The following AVEN variants were observed in gnomAD, a reference collection of about 807,000 sequenced individuals.
AVEN encodes apoptosis and caspase activation inhibitor.
Under a neutral mutation model 38.1 loss-of-function variants are expected in AVEN, and 41 were observed. The ratio of observed to expected loss-of-function variants is 1.08; its 90% CI spans 0.84 to 1.40. The LOEUF (loss-of-function observed/expected upper bound fraction) is 1.40, where lower values mean the gene tolerates loss of function less well. AVEN is among the 40% of genes most tolerant of loss of function. The probability of loss-of-function intolerance (pLI) is 0.00; values close to 1 mark genes in which losing one functional copy is unlikely to be tolerated. For synonymous variants in AVEN, 206 were observed against 171.8 expected (o/e 1.20, Z -1.56); for missense variants, 605 against 438.8 (o/e 1.38, Z -3.38).
chr15:33,868,544 C>CAAAAAAAAAA lies in AVEN; in HGVS notation c.613-699_613-690dup, dbSNP rs35851228. ...TGGGCAACAGAATGAGACTCCGTCT[C>CAAAAAAAAAA]AAAAAAAAAAAAAAAAAAAAAAAAG... On this transcript the variant is annotated intron_variant, in intron 4 of 5. Transcript: ENST00000306730. Among the ~76,000 whole-genome samples, 4 of 66,248 alleles carry CAAAAAAAAAA rather than the reference C, an allele frequency of 6.0e-5. 1 individual carries two copies. Among genetic ancestry groups the CAAAAAAAAAA allele is most frequent in the East Asian group, 4.3e-4 (1 of 2,314 alleles). The allele number at this position is 66,248 out of a possible 152,430, so 43.5% of individuals were successfully genotyped here.
intron 1 of AVEN, among the ~76,000 whole-genome samples, chr15:34,027,342 CTG>C (rs1898529383): frequency 6.6e-6 from 1 of 152,008 alleles, no homozygotes; most frequent in Admixed American, 6.6e-5. Flanking sequence ...TGGCGAAACT[CTG>C]TCTCTACTAA....
At chr15:33,984,710 G>A (rs1896346045) in intron 2 of AVEN, among the ~76,000 whole-genome samples, 1 of 152,130 alleles carries the variant, frequency 6.6e-6, no homozygotes, top group Admixed American at 6.5e-5. Flanking sequence ...CCTATTCATA[G>A]TAGGTTTCTA....
At chr15:33,870,094 T>C (rs76401194) in intron 4 of AVEN, among the ~76,000 whole-genome samples, 4,944 of 152,242 alleles carry the variant, frequency 0.032, 161 homozygotes, top group Non-Finnish European at 0.039. Flanking sequence ...TCTTGAATTT[T>C]TTCTTGACCA....
chr15:33,899,864 G>A (rs547494776), intron 2 of AVEN, among the ~76,000 whole-genome samples: 52 of 151,724 alleles, frequency 3.4e-4, no homozygotes, highest in African/African-American at 1.2e-3. Flanking sequence ...CTTCCTTCCA[G>A]AAGTATGTTC....
chr15:33,980,511 C>T (rs1896089571), intron 2 of AVEN, among the ~76,000 whole-genome samples: 1 of 152,142 alleles, frequency 6.6e-6, no homozygotes, highest in Non-Finnish European at 1.5e-5. Context: ...CCATATATGA[C>T]ATGAGCACAA....
chr15:34,069,139 C>T (rs1316658480), intron 2 of AVEN, among the ~76,000 whole-genome samples: 3 of 148,928 alleles, frequency 2.0e-5, no homozygotes, highest in African/African-American at 2.5e-5. Flanking sequence ...AAAACAATTT[C>T]GGCTGGGCGC....
chr15:33,899,762 G>A (rs543959047), intron 2 of AVEN, among the ~76,000 whole-genome samples: 5 of 152,092 alleles, frequency 3.3e-5, no homozygotes, highest in South Asian at 2.1e-4. Context: ...CACCGCACCC[G>A]GCCAGGGAAA....
At chr15:33,995,501 C>T (rs1187966473) in intron 2 of AVEN, among the ~76,000 whole-genome samples, 1 of 152,202 alleles carries the variant, frequency 6.6e-6, no homozygotes, top group Non-Finnish European at 1.5e-5. Flanking sequence ...TTGGTATCCA[C>T]AGGCGTCCTG....
intron 2 of AVEN, among the ~76,000 whole-genome samples, chr15:33,878,138 A>G (rs1468401997): frequency 6.6e-6 from 1 of 152,208 alleles, no homozygotes; most frequent in Non-Finnish European, 1.5e-5. Context: ...CACCTAATGA[A>G]GTCTATAAAT....
intron 2 of AVEN, among the ~76,000 whole-genome samples, chr15:33,938,603 T>C (rs186271116): frequency 6.6e-6 from 1 of 152,278 alleles, no homozygotes; most frequent in East Asian, 1.9e-4. Context: ...CATTCTAGAA[T>C]ACACAAAGAA....
chr15:34,062,570 A>AT, intron 5 of AVEN: 1 of 691,584 alleles, frequency 1.4e-6, no homozygotes, highest in Non-Finnish European at 2.3e-6. Context: ...AAAAAAAAAA[A>AT]AAAACTATAA....
intron 2 of AVEN, among the ~76,000 whole-genome samples, chr15:33,927,211 T>C (rs997519011): frequency 6.6e-6 from 1 of 151,676 alleles, no homozygotes; most frequent in Non-Finnish European, 1.5e-5. Context: ...GCCAAGATCA[T>C]GCCACTGCAC....
chr15:34,040,065 T>G (rs960480700), upstream of AVEN, among the ~76,000 whole-genome samples: 2 of 152,218 alleles, frequency 1.3e-5, no homozygotes, highest in Non-Finnish European at 2.9e-5. Context: ...CCCTCAGTAC[T>G]TTCTGGTTCT....
intron 1 of AVEN, among the ~76,000 whole-genome samples, chr15:34,009,192 A>G (rs964789666): frequency 3.9e-5 from 6 of 152,334 alleles, no homozygotes; most frequent in Middle Eastern, 3.4e-3. Context: ...GGTGAAAAAA[A>G]GACATTCCCA....
chr15:33,901,010 TA>T (rs1892475536), intron 2 of AVEN, among the ~76,000 whole-genome samples: 2 of 152,198 alleles, frequency 1.3e-5, no homozygotes, highest in Admixed American at 1.3e-4. Flanking sequence ...CTCATGCCTG[TA>T]ATCCCAGGAC....
chr15:34,010,825 C>A (rs987360083), intron 1 of AVEN, among the ~76,000 whole-genome samples: 1 of 152,120 alleles, frequency 6.6e-6, no homozygotes, highest in Non-Finnish European at 1.5e-5. Context: ...TGTTACTGAG[C>A]TTTAAAATAT....
intron 2 of AVEN, among the ~76,000 whole-genome samples, chr15:33,903,762 G>GTGTA (rs5811802): frequency 0.37 from 56,444 of 151,998 alleles, 11,120 homozygotes; most frequent in Admixed American, 0.42. Flanking sequence ...TATTGTATAT[G>GTGTA]TGTATATACA....
chr15:33,898,607 A>G (rs1321097805), intron 2 of AVEN, among the ~76,000 whole-genome samples: 1 of 152,182 alleles, frequency 6.6e-6, no homozygotes, highest in Non-Finnish European at 1.5e-5. Context: ...TCCTTTTGAC[A>G]CTAGTCATTG....
intron 2 of AVEN, among the ~76,000 whole-genome samples, chr15:33,918,552 T>C (rs564172590): frequency 6.9e-6 from 1 of 144,716 alleles, no homozygotes; most frequent in Admixed American, 7.3e-5. Flanking sequence ...CTGCATGCAG[T>C]CTCTGCCTCC....
Sources: gnomAD v4.1 joint callset for allele counts (sites outside exome capture counted in the v4.1 genomes callset) on GRCh38, gnomAD v4.1.1 for gene constraint, MANE v1.5 for transcripts, NCBI Gene and HGNC (gene_info 2026-07-23, HGNC 2026-07-21) for gene names.